BAZ1B: variants seen among roughly 807,000 people sequenced by gnomAD.
BAZ1B encodes bromodomain adjacent to zinc finger domain 1B, also known as tyrosine-protein kinase BAZ1B.
Under a neutral mutation model 153.8 loss-of-function variants are expected in BAZ1B, and 22 were observed. That is an observed-to-expected ratio of 0.14 (90% CI 0.10 to 0.20). BAZ1B has a LOEUF of 0.20. Among genes scored for constraint, BAZ1B ranks in the 10% least tolerant of loss-of-function variants. BAZ1B has a pLI of 1.00. For synonymous variants in BAZ1B, 676 were observed against 633.4 expected, an observed-to-expected ratio of 1.07 and a Z score of -1.01; for missense variants, 1,325 against 1,799.3, an observed-to-expected ratio of 0.74 and a Z score of 4.77.
At chr7:73,493,839 CAAAAAA>C (rs142781016) in intron 4 of BAZ1B, among the ~76,000 whole-genome samples, 4 of 58,308 alleles carry the variant, frequency 6.9e-5, no homozygotes, top group African/African-American at 1.9e-4. Context: ...ACCCTGTCTC[CAAAAAA>C]AAAAAAAAAA....
At chr7:73,466,601 G>T (rs1788595801) in intron 9 of BAZ1B, among the ~76,000 whole-genome samples, 200 bp from the exon 10 acceptor site, 1 of 152,118 alleles carries the variant, frequency 6.6e-6, no homozygotes, top group Admixed American at 6.5e-5. Flanking sequence ...TCAGATATTT[G>T]CTCTCTGAAG....
chr7:73,492,677 C>A, intron 5 of BAZ1B, 123 bp downstream of exon 5: 3 of 962,208 alleles, frequency 3.1e-6, no homozygotes, highest in Non-Finnish European at 4.5e-6. Context: ...ACTACAAAAC[C>A]ACTCAGAATC....
intron 7 of BAZ1B, among the ~76,000 whole-genome samples, chr7:73,474,207 G>A (rs554109571): frequency 6.6e-6 from 1 of 152,084 alleles, no homozygotes; most frequent in East Asian, 1.9e-4. Flanking sequence ...TTCAAAAAAC[G>A]GCACTAGGAC....
intron 12 of BAZ1B, among the ~76,000 whole-genome samples, chr7:73,460,143 C>A (rs1035214489): frequency 7.1e-6 from 1 of 141,484 alleles, no homozygotes; most frequent in Non-Finnish European, 1.5e-5. Context: ...GAGCCAAGAT[C>A]GTGCTACTGT....
intron 12 of BAZ1B, among the ~76,000 whole-genome samples, chr7:73,460,197 A>G (rs1443663518): frequency 1.4e-5 from 2 of 143,678 alleles, no homozygotes; most frequent in Non-Finnish European, 3.0e-5. Flanking sequence ...TCAGGGAAAA[A>G]AAAAAAAAAA....
intron 1 of BAZ1B, among the ~76,000 whole-genome samples, chr7:73,518,873 A>G (rs1790920047): frequency 6.6e-6 from 1 of 152,222 alleles, no homozygotes; most frequent in South Asian, 2.1e-4. Flanking sequence ...ATGACAGTTG[A>G]AGTAACACAA....
chr7:73,466,496 A>G, intron 9 of BAZ1B, 95 bp from the exon 10 acceptor site: 1 of 742,554 alleles, frequency 1.3e-6, no homozygotes, highest in Non-Finnish European at 2.4e-6. Flanking sequence ...AACAATTTGT[A>G]ACAACACAGA....
chr7:73,522,209 ACTC>A lies in BAZ1B; in HGVS notation c.-279_-277del, dbSNP rs1355178439. ...CGGGTCCCGGCGGCCGGCAGTCACG[ACTC>A]CTCCTCAGCAGCACCGGAGGAAATT... is the stretch of plus-strand genomic sequence containing the variant. On this transcript the variant is annotated 5_prime_UTR_variant, in exon 1 of 20. Transcript: ENST00000339594. 5.4e-5 allele frequency: 21 copies of A among 388,886 alleles called. No individual in the cohort carries two copies. The highest frequency in any genetic ancestry group is 3.3e-4 in the East Asian group (9 of 27,340). 24.1% of individuals were successfully genotyped at this position (388,886 alleles called of 1,614,324 possible). A position where few individuals can be genotyped will look rare whatever the true frequency, so the allele number is the denominator to read the frequency against.
intron 1 of BAZ1B, among the ~76,000 whole-genome samples, chr7:73,521,602 C>T (rs901566213): frequency 2.0e-5 from 3 of 151,764 alleles, no homozygotes; most frequent in African/African-American, 7.3e-5. Flanking sequence ...CGGGGGCGGC[C>T]GAAGCGGGCC....
intron 2 of BAZ1B, among the ~76,000 whole-genome samples, chr7:73,510,136 A>C (rs1583953597): frequency 6.7e-6 from 1 of 150,284 alleles, no homozygotes; most frequent in African/African-American, 2.5e-5. Context: ...CAAAAATAAA[A>C]ATAAGAATAA....
chr7:73,442,564 G>A lies in BAZ1B; in HGVS notation c.4095-11C>T. ...CTGGTCACAGGCTCCCTGTGGAGAA[G>A]AACCAAATGGAGAATCTGCACAGCC... On this transcript the variant is annotated splice_polypyrimidine_tract_variant and intron_variant, in intron 18 of 19. Coordinates refer to ENST00000339594, the MANE Select transcript of BAZ1B (RefSeq NM_032408.4). 1.2e-6 allele frequency: 2 copies of A among 1,600,270 alleles called. No homozygotes were observed. Among genetic ancestry groups the A allele is most frequent in the Non-Finnish European group, 1.7e-6 (2 of 1,171,512 alleles).
intron 9 of BAZ1B, among the ~76,000 whole-genome samples, chr7:73,468,373 C>A (rs192176495): frequency 9.9e-5 from 15 of 151,786 alleles, no homozygotes; most frequent in African/African-American, 3.4e-4. Context: ...CAGGACAGCT[C>A]CCAGTACAAA....
At chr7:73,486,388 G>A (rs1208496647) in intron 6 of BAZ1B, among the ~76,000 whole-genome samples, 8 of 152,068 alleles carry the variant, frequency 5.3e-5, no homozygotes, top group Non-Finnish European at 7.4e-5. Context: ...GTGCAGTGGC[G>A]TGATCTCGGC....
intron 6 of BAZ1B, 54 bp from the exon 7 acceptor site, chr7:73,478,623 G>A (rs1294585377): frequency 5.7e-6 from 8 of 1,401,072 alleles, no homozygotes; most frequent in Non-Finnish European, 7.6e-6. Context: ...ACTAACTTAA[G>A]CAACATTTAA....
In BAZ1B at chr7:73,470,376, T is replaced by A; in HGVS notation, c.2701A>T (p.Thr901Ser). Residue 901 changes from threonine (T) to serine (S), a missense_variant, in exon 8 of 20, where the codon ACT becomes TCT. Thr to Ser is a moderately conservative substitution (Grantham distance 58, BLOSUM62 1). Transcript: ENST00000339594. Reference protein sequence around the residue: ...IAKAKLVMRRTPIGTDRNHNR... With the variant: ...IAKAKLVMRRSPIGTDRNHNR... ...TGGTTTCGATCTGTGCCAATAGGAG[T>A]CCTGCGCATGACTAGTTTGGCCTTG... 1.1e-5 allele frequency: 18 copies of A among 1,613,940 alleles called. No homozygotes were observed. The highest frequency in any genetic ancestry group is 1.5e-5 in the Non-Finnish European group (18 of 1,179,964).
chr7:73,520,416 T>C (rs1020156211), intron 1 of BAZ1B, among the ~76,000 whole-genome samples: 1 of 152,078 alleles, frequency 6.6e-6, no homozygotes, highest in Admixed American at 6.6e-5. Flanking sequence ...AGGAGTAACA[T>C]TCCACCTTCT....
chr7:73,510,637 C>A, intron 2 of BAZ1B, 99 bp downstream of exon 2: 1 of 1,140,372 alleles, frequency 8.8e-7, no homozygotes, highest in African/African-American at 1.5e-5. Flanking sequence ...CTAATTTGTG[C>A]CCCATAAACT....
intron 13 of BAZ1B, among the ~76,000 whole-genome samples, chr7:73,458,971 A>G (rs1788295464): frequency 6.6e-6 from 1 of 152,164 alleles, no homozygotes. Context: ...CTGGTAGACC[A>G]GGAGTGGTGG....
intron 4 of BAZ1B, among the ~76,000 whole-genome samples, chr7:73,497,193 T>C (rs1322675970): frequency 6.6e-6 from 1 of 151,660 alleles, no homozygotes; most frequent in Non-Finnish European, 1.5e-5. Context: ...CAGTGAGCCA[T>C]GATCGTACCA....
Sources: allele counts gnomAD v4.1 joint callset (sites outside exome capture counted in the v4.1 genomes callset), GRCh38; gene constraint gnomAD v4.1.1; transcripts MANE v1.5; gene names NCBI Gene and HGNC (gene_info 2026-07-23, HGNC 2026-07-21).